Variants in FTO observed in about 807,000 individuals in gnomAD.
FTO encodes the protein alpha-ketoglutarate-dependent dioxygenase FTO.
A neutral mutation model predicts 63.9 loss-of-function variants in FTO; 47 were observed. That is an observed-to-expected ratio of 0.74 (90% confidence interval 0.58 to 0.94). The LOEUF (loss-of-function observed/expected upper bound fraction) is 0.94. Ranked by LOEUF, FTO falls within the 40% of genes least tolerant of loss-of-function variation. FTO has a pLI of 0.00. For missense variants in FTO, 562 were observed against 618.1 expected (o/e 0.91, Z 0.96); for synonymous variants, 207 against 224.4 (o/e 0.92, Z 0.69).
chr16:53,984,999 C>T (rs771808837), intron 8 of FTO: 2 of 456,316 alleles, frequency 4.4e-6, no homozygotes, highest in South Asian at 3.1e-5. Flanking sequence ...CATTGATGTC[C>T]TTCCAAATAG....
At chr16:54,035,899 C>CTAA (rs2084931995) in intron 8 of FTO, among the ~76,000 whole-genome samples, 1 of 152,120 alleles carries the variant, frequency 6.6e-6, no homozygotes, top group African/African-American at 2.4e-5. Flanking sequence ...CTTTCCTTTT[C>CTAA]TAATTTCTTT....
intron 3 of FTO, among the ~76,000 whole-genome samples, chr16:53,836,555 C>T (rs1469568593): frequency 6.6e-6 from 1 of 152,160 alleles, no homozygotes; most frequent in Non-Finnish European, 1.5e-5. Context: ...TACATTGTGG[C>T]CACTGTTCAG....
At chr16:53,760,260 G>GTGTGTGTT (rs1555629201) in intron 1 of FTO, among the ~76,000 whole-genome samples, 1 of 140,686 alleles carries the variant, frequency 7.1e-6, no homozygotes, top group Non-Finnish European at 1.6e-5. Context: ...GTGTGTGTGT[G>GTGTGTGTT]TTTTTTGGAG....
intron 8 of FTO, among the ~76,000 whole-genome samples, chr16:54,100,417 A>G (rs2086614433): frequency 6.6e-6 from 1 of 152,174 alleles, no homozygotes; most frequent in Non-Finnish European, 1.5e-5. Flanking sequence ...CAGTGGCACA[A>G]TCACGGCTCA....
intron 8 of FTO, among the ~76,000 whole-genome samples, chr16:53,943,235 C>T (rs957911068): frequency 3.3e-5 from 5 of 152,020 alleles, no homozygotes; most frequent in Non-Finnish European, 7.4e-5. Flanking sequence ...TTACTTTTTT[C>T]CCCCAAGATA....
chr16:53,825,815 C>T, intron 2 of FTO, 49 bp from the exon 3 acceptor site: 2 of 1,597,130 alleles, frequency 1.3e-6, no homozygotes, highest in Non-Finnish European at 1.7e-6. Context: ...GGAAATAATA[C>T]AATTGTAGCT....
At chr16:54,002,356 G>C (rs2144003743) in intron 8 of FTO, among the ~76,000 whole-genome samples, 2 of 152,284 alleles carry the variant, frequency 1.3e-5, no homozygotes, top group Admixed American at 1.3e-4. Context: ...AAACTCAAAT[G>C]ACTCAGCTAT....
At chr16:53,968,301 C>T (rs2083240198) in intron 8 of FTO, among the ~76,000 whole-genome samples, 1 of 152,302 alleles carries the variant, frequency 6.6e-6, no homozygotes, top group Non-Finnish European at 1.5e-5. Flanking sequence ...AGCAGAAAAG[C>T]CTAATTTGGT....
chr16:53,879,671 G>A (rs1331086639), intron 5 of FTO, among the ~76,000 whole-genome samples, 173 bp from the exon 6 acceptor site: 1 of 128,148 alleles, frequency 7.8e-6, no homozygotes, highest in Non-Finnish European at 1.6e-5. Flanking sequence ...GGGTGACACA[G>A]CAAGACCCTA....
chr16:54,071,960 C>T (rs544885236), intron 8 of FTO: 2 of 152,158 alleles, frequency 1.3e-5, no homozygotes, highest in East Asian at 1.9e-4. Context: ...AAAGGAAGGC[C>T]GGACAAGGTA....
chr16:53,709,580 G>A lies in FTO; in HGVS notation c.45+5351G>A, dbSNP rs1369404697. 3.9e-5 allele frequency among the ~76,000 whole-genome samples: 6 copies of A among 152,094 alleles called. No homozygotes were observed. The East Asian group carries it at 1.2e-3, about 29-fold the overall frequency. On this transcript the variant is annotated intron_variant, in intron 1 of 8. Transcript: ENST00000471389. ...CCTTGATTGAGTTTGGTGGCCTGAGGGGTCCTCTGCTGGGGTGGGGCTGGC... is the reference window on the plus strand; with the variant it reads ...CCTTGATTGAGTTTGGTGGCCTGAGAGGTCCTCTGCTGGGGTGGGGCTGGC...
At chr16:53,823,093 C>T (rs1378320510) in intron 2 of FTO, among the ~76,000 whole-genome samples, 2 of 152,314 alleles carry the variant, frequency 1.3e-5, no homozygotes, top group East Asian at 3.9e-4. Context: ...CTCTTTCATT[C>T]CATCTTCGCC....
intron 8 of FTO, among the ~76,000 whole-genome samples, chr16:53,969,303 C>A (rs1360793677): frequency 6.6e-6 from 1 of 152,168 alleles, no homozygotes; most frequent in African/African-American, 2.4e-5. Context: ...AAATAACTCT[C>A]TTGCCTGAAT....
chr16:53,743,797 C>T (rs1016894753), intron 1 of FTO, among the ~76,000 whole-genome samples: 3 of 151,546 alleles, frequency 2.0e-5, no homozygotes, highest in African/African-American at 7.3e-5. Context: ...CCATTTTTTT[C>T]CCCCTGATTT....
At chr16:53,808,477 T>C (rs921445715) in intron 1 of FTO, among the ~76,000 whole-genome samples, 1 of 152,238 alleles carries the variant, frequency 6.6e-6, no homozygotes, top group African/African-American at 2.4e-5. Flanking sequence ...TTTGTGTCTC[T>C]CAGGGTCAAT....
chr16:54,063,915 T>G (rs1279367768), intron 8 of FTO: 1 of 152,124 alleles, frequency 6.6e-6, no homozygotes, highest in East Asian at 1.9e-4. Flanking sequence ...GACTCATCTG[T>G]CAAGCCCTTC....
chr16:53,880,936 C>CT, intron 6 of FTO, among the ~76,000 whole-genome samples: 1 of 43,026 alleles, frequency 2.3e-5, no homozygotes, highest in South Asian at 9.9e-4. Flanking sequence ...CCCGTCTCTA[C>CT]TAAAAAAAAA....
chr16:53,932,006 G>T (rs190885479), intron 7 of FTO, among the ~76,000 whole-genome samples: 1 of 152,066 alleles, frequency 6.6e-6, no homozygotes, highest in Non-Finnish European at 1.5e-5. Context: ...TGAATAGTGC[G>T]TGCCTTTTTT....
At chr16:53,754,946 G>A (rs1005657326) in intron 1 of FTO, among the ~76,000 whole-genome samples, 5 of 149,336 alleles carry the variant, frequency 3.3e-5, no homozygotes, top group African/African-American at 1.0e-4. Context: ...TATTAGAGAA[G>A]ACAGACAGTG....
Sources: gnomAD v4.1 joint callset for allele counts (sites outside exome capture counted in the v4.1 genomes callset) on GRCh38, gnomAD v4.1.1 for gene constraint, MANE v1.5 for transcripts, NCBI Gene and HGNC (gene_info 2026-07-23, HGNC 2026-07-21) for gene names.